Variants in IL15 observed in about 807,000 individuals in gnomAD.
IL15 encodes the protein interleukin 15.
IL15 carries 11 observed loss-of-function variants against 19.6 expected under a neutral mutation model. The ratio of observed to expected loss-of-function variants is 0.56; its 90% CI spans 0.35 to 0.93. The LOEUF (loss-of-function observed/expected upper bound fraction) is 0.93, where lower values mean the gene tolerates loss of function less well. IL15 is among the 40% of genes least tolerant of loss of function. The pLI, the probability that IL15 is intolerant of heterozygous loss-of-function variation, is 0.01. For synonymous variants in IL15, 58 were observed against 59.6 expected, an observed-to-expected ratio of 0.97 and a Z score of 0.12; for missense variants, 197 against 186.5, an observed-to-expected ratio of 1.06 and a Z score of -0.33.
chr4:141,656,415 C>G (rs550002450), intron 2 of IL15, 108 bp downstream of exon 2: 36 of 394,274 alleles, frequency 9.1e-5, no homozygotes, highest in Admixed American at 3.5e-4. Flanking sequence ...TATATACTCA[C>G]AGCTTTTAAA....
At chr4:141,716,772 G>C (rs1447619936) in intron 2 of IL15, 1 of 152,348 alleles carries the variant, frequency 6.6e-6, no homozygotes, top group African/African-American at 2.4e-5. Context: ...AAAGCTATGG[G>C]AGCTGAGCTG....
chr4:141,696,396 C>T (rs1729096768), intron 2 of IL15, among the ~76,000 whole-genome samples: 4 of 151,910 alleles, frequency 2.6e-5, no homozygotes, highest in Admixed American at 2.6e-4. Flanking sequence ...GCTCTGAATT[C>T]CTTTGGCTAT....
intron 2 of IL15, among the ~76,000 whole-genome samples, chr4:141,669,731 G>C (rs1304701734): frequency 1.3e-5 from 2 of 151,496 alleles, no homozygotes; most frequent in East Asian, 3.9e-4. Flanking sequence ...AAATATTTCG[G>C]TCTTTGTGGA....
intron 2 of IL15, among the ~76,000 whole-genome samples, chr4:141,702,319 G>A (rs1486929866): frequency 6.6e-6 from 1 of 152,158 alleles, no homozygotes; most frequent in Non-Finnish European, 1.5e-5. Context: ...GATTACTATT[G>A]ATCTTCTGGG....
chr4:141,697,403 GTAACTATATCCTCGAAGTGTGATTT>G (rs1451723118), intron 2 of IL15, among the ~76,000 whole-genome samples: 1 of 151,944 alleles, frequency 6.6e-6, no homozygotes, highest in Non-Finnish European at 1.5e-5. Flanking sequence ...TGCTGTTTTG[GTAACTATATCCTCGAAGTGTGATTT>G]GAAGTCAGAT....
chr4:141,722,829 G>T (rs969888801), intron 5 of IL15, among the ~76,000 whole-genome samples: 1 of 152,056 alleles, frequency 6.6e-6, no homozygotes, highest in Non-Finnish European at 1.5e-5. Context: ...AGAAATAGAA[G>T]ATATGAAAGG....
intron 2 of IL15, chr4:141,688,729 G>A (rs1253767683): frequency 2.0e-5 from 3 of 152,282 alleles, no homozygotes; most frequent in Non-Finnish European, 2.9e-5. Flanking sequence ...CTGTCTGCCA[G>A]AGTCCTTTTG....
intron 1 of IL15, among the ~76,000 whole-genome samples, chr4:141,649,155 C>G (rs1369114327): frequency 6.6e-6 from 1 of 152,128 alleles, no homozygotes; most frequent in African/African-American, 2.4e-5. Flanking sequence ...TCTTCCGTGC[C>G]CCCTTCTCCT....
chr4:141,721,873 CA>C (rs1730093791), intron 4 of IL15, 50 bp from the exon 5 acceptor site: 1 of 1,462,352 alleles, frequency 6.8e-7, no homozygotes, highest in Non-Finnish European at 9.4e-7. Flanking sequence ...TAGTATTCAT[CA>C]AGATGAATAG....
intron 1 of IL15, among the ~76,000 whole-genome samples, chr4:141,647,740 G>A (rs1001122856): frequency 3.9e-5 from 6 of 151,978 alleles, no homozygotes; most frequent in African/African-American, 1.4e-4. Context: ...CTTACATAGG[G>A]ATCATCTTTA....
chr4:141,666,116 T>TTTATTTATTTATTTA (rs1560908816), intron 2 of IL15, among the ~76,000 whole-genome samples: 6 of 25,560 alleles, frequency 2.3e-4, no homozygotes, highest in East Asian at 0.011. Context: ...TTATTTATTT[T>TTTATTTATTTATTTA]TTGAGACGGA....
intron 1 of IL15, among the ~76,000 whole-genome samples, chr4:141,640,120 G>C (rs1332490476): frequency 6.6e-6 from 1 of 152,114 alleles, no homozygotes; most frequent in Non-Finnish European, 1.5e-5. Flanking sequence ...AAGAAGCTAA[G>C]AAATCTTGAC....
intron 2 of IL15, among the ~76,000 whole-genome samples, chr4:141,708,251 G>T (rs909242310): frequency 1.3e-5 from 2 of 152,184 alleles, no homozygotes; most frequent in African/African-American, 2.4e-5. Context: ...TTGGACACTG[G>T]GGTCTTGGTC....
At chr4:141,640,513 A>G (rs776008848) in intron 1 of IL15, among the ~76,000 whole-genome samples, 1 of 152,170 alleles carries the variant, frequency 6.6e-6, no homozygotes, top group Non-Finnish European at 1.5e-5. Context: ...CCTGGTCACC[A>G]TTTGGGGTGA....
chr4:141,659,472 A>T (rs113834674), intron 2 of IL15, among the ~76,000 whole-genome samples: 2,520 of 152,318 alleles, frequency 0.017, 42 homozygotes, highest in Admixed American at 0.052. Context: ...AAGTGCTGAG[A>T]TTACAGGCAT....
chr4:141,678,337 TA>T (rs1728418720), intron 2 of IL15, among the ~76,000 whole-genome samples: 1 of 152,186 alleles, frequency 6.6e-6, no homozygotes, highest in Non-Finnish European at 1.5e-5. Flanking sequence ...CTTGGTTAAC[TA>T]AGAGTCAGGC....
chr4:141,681,312 G>A (rs1028977295), intron 2 of IL15, among the ~76,000 whole-genome samples: 1 of 150,558 alleles, frequency 6.6e-6, no homozygotes. Context: ...AAAGAGAGAA[G>A]ACTTTTTTAA....
chr4:141,671,652 T>A (rs908217827), intron 2 of IL15, among the ~76,000 whole-genome samples: 1 of 152,192 alleles, frequency 6.6e-6, no homozygotes, highest in South Asian at 2.1e-4. Flanking sequence ...CCAGCTGGAT[T>A]TTCTTACATG....
intron 2 of IL15, among the ~76,000 whole-genome samples, chr4:141,666,124 G>A (rs1231335089): frequency 2.2e-5 from 1 of 44,648 alleles, no homozygotes; most frequent in Non-Finnish European, 4.3e-5. Context: ...TTTTTGAGAC[G>A]GAGTCTCGCT....
Sources: allele counts gnomAD v4.1 joint callset (sites outside exome capture counted in the v4.1 genomes callset), GRCh38; gene constraint gnomAD v4.1.1; transcripts MANE v1.5; gene names NCBI Gene and HGNC (gene_info 2026-07-23, HGNC 2026-07-21).